Variants in RHOT1 observed in about 807,000 individuals in gnomAD.
The protein encoded by RHOT1 is mitochondrial Rho GTPase 1.
Under a neutral mutation model 95.3 loss-of-function variants are expected in RHOT1, and 27 were observed. The observed-to-expected ratio is 0.28, with a 90% confidence interval of 0.21 to 0.39. RHOT1 has a LOEUF of 0.39. Ranked by LOEUF, RHOT1 falls within the 10% of genes least tolerant of loss-of-function variation. The pLI, the probability that RHOT1 is intolerant of heterozygous loss-of-function variation, is 1.00. For missense variants in RHOT1, 578 were observed against 786.7 expected, an observed-to-expected ratio of 0.73 and a Z score of 3.17; for synonymous variants, 227 against 263.5, an observed-to-expected ratio of 0.86 and a Z score of 1.34.
chr17:32,172,591 G>A (rs1459516861), intron 2 of RHOT1, among the ~76,000 whole-genome samples: 1 of 152,248 alleles, frequency 6.6e-6, no homozygotes, highest in Non-Finnish European at 1.5e-5. Context: ...CCAGCACTTT[G>A]GGAGGCTGAG....
At chr17:32,197,639 A>G (rs1241588452) in intron 11 of RHOT1, among the ~76,000 whole-genome samples, 1 of 152,052 alleles carries the variant, frequency 6.6e-6, no homozygotes, top group Non-Finnish European at 1.5e-5. Flanking sequence ...CGTGTTGTCC[A>G]GGATGGTCTC....
At position 32,194,100 on chromosome 17, in the gene RHOT1, T is replaced by C. The variant is rs1358696360; in HGVS notation, c.862T>C (p.Phe288Leu). 1 of 1,613,960 alleles carries C rather than the reference T, an allele frequency of 6.2e-7. No individual in the cohort carries two copies. Among genetic ancestry groups the C allele is most frequent in the Non-Finnish European group, 8.5e-7 (1 of 1,179,980 alleles). ...DDLDLTPEYL[F>L]PLLKIPPDCT... ...CCTGGATTTGACACCTGAATATTTG[T>C]TCCCCCTGTATGTACCTTTGTTTTT... Residue 288 changes from phenylalanine to leucine, a missense_variant, in exon 11 of 20, where the codon TTC becomes CTC. Transcript: ENST00000545287.
rs1467487964 is a variant in RHOT1, at chr17:32,223,858, C to CT, written c.1863-756dup. On this transcript the variant is annotated intron_variant, in intron 19 of 19. Coordinates refer to ENST00000545287, the MANE Select transcript of RHOT1 (RefSeq NM_001033566.3). Reference sequence around the variant, plus strand: ...GTCATACTTGAGACTCTTGAGGGTACTTACTGAGCATGCTCACAACTCAGT... The same window carrying CT: ...GTCATACTTGAGACTCTTGAGGGTACTTTACTGAGCATGCTCACAACTCAGT... Among the ~76,000 whole-genome samples, 3 of 152,184 alleles carry CT rather than the reference C, an allele frequency of 2.0e-5. No individual in the cohort carries two copies. In the East Asian group the frequency reaches 5.8e-4, roughly 29 times the overall value.
intron 8 of RHOT1, among the ~76,000 whole-genome samples, chr17:32,187,787 T>G (rs184710340): frequency 3.9e-5 from 6 of 152,296 alleles, no homozygotes; most frequent in African/African-American, 1.4e-4. Context: ...CAGGCTGGTC[T>G]CGAACTCCTG....
chr17:32,188,755 G>A (rs980447095), intron 8 of RHOT1, among the ~76,000 whole-genome samples: 8 of 152,290 alleles, frequency 5.3e-5, no homozygotes, highest in African/African-American at 1.9e-4. Context: ...TACTATGTAA[G>A]TACCTACATG....
chr17:32,202,926 T>G (rs1367367726), intron 15 of RHOT1, 26 bp downstream of exon 15: 1 of 1,599,658 alleles, frequency 6.3e-7, no homozygotes, highest in Admixed American at 1.8e-5. Flanking sequence ...AAATACAATT[T>G]TATCCAACAA....
intron 1 of RHOT1, among the ~76,000 whole-genome samples, chr17:32,149,635 A>ATATATATATATATATATG (rs1445281403): frequency 8.5e-5 from 5 of 59,088 alleles, no homozygotes; most frequent in South Asian, 8.7e-4. Flanking sequence ...ATATATATAT[A>ATATATATATATATATATG]TGTGTGTGTG....
intron 19 of RHOT1, among the ~76,000 whole-genome samples, chr17:32,215,462 G>A (rs2038410537): frequency 6.6e-6 from 1 of 152,022 alleles, no homozygotes; most frequent in African/African-American, 2.4e-5. Context: ...GTGAACTGGG[G>A]CAAAATTTGA....
chr17:32,163,709 G>T (rs557710809), intron 1 of RHOT1, among the ~76,000 whole-genome samples: 1 of 150,980 alleles, frequency 6.6e-6, no homozygotes, highest in Admixed American at 6.6e-5. Flanking sequence ...CAGCTTGGGT[G>T]ACAGAGCAAG....
At chr17:32,193,110 A>C in intron 9 of RHOT1, 26 bp from the exon 10 acceptor site, 1 of 1,426,838 alleles carries the variant, frequency 7.0e-7, no homozygotes, top group Non-Finnish European at 9.8e-7. Context: ...GTTTGTTTTT[A>C]AATATATTTT....
intron 8 of RHOT1, among the ~76,000 whole-genome samples, chr17:32,184,585 G>A (rs1274254231): frequency 1.3e-5 from 2 of 151,706 alleles, no homozygotes. Flanking sequence ...CAAGCTCCTG[G>A]GCTCAAGTGA....
chr17:32,176,386 G>C (rs1052089797), intron 6 of RHOT1, among the ~76,000 whole-genome samples, 173 bp downstream of exon 6: 6 of 151,876 alleles, frequency 4.0e-5, no homozygotes, highest in Non-Finnish European at 8.8e-5. Flanking sequence ...ACACACCCAC[G>C]TGCCTTTTTT....
chr17:32,183,938 G>A (rs1437098453), intron 8 of RHOT1, among the ~76,000 whole-genome samples: 1 of 152,146 alleles, frequency 6.6e-6, no homozygotes, highest in African/African-American at 2.4e-5. Flanking sequence ...CGCCTGCCTG[G>A]GCCTCCCAAA....
chr17:32,145,101 A>T (rs1347251991), intron 1 of RHOT1, among the ~76,000 whole-genome samples: 1 of 152,180 alleles, frequency 6.6e-6, no homozygotes, highest in Non-Finnish European at 1.5e-5. Context: ...GTTTGAGACC[A>T]GGAAACTGAC....
At chr17:32,162,938 A>G (rs569299521) in intron 1 of RHOT1, among the ~76,000 whole-genome samples, 85 of 152,282 alleles carry the variant, frequency 5.6e-4, no homozygotes, top group African/African-American at 1.6e-3. Context: ...TGATGTTTAG[A>G]TGAGGGAAAC....
intron 1 of RHOT1, among the ~76,000 whole-genome samples, chr17:32,148,580 A>G (rs929898435): frequency 6.6e-6 from 1 of 152,176 alleles, no homozygotes; most frequent in Non-Finnish European, 1.5e-5. Flanking sequence ...GGGCAATGAA[A>G]TTGTCCTTTG....
At chr17:32,195,527 G>A (rs2036814361) in intron 11 of RHOT1, among the ~76,000 whole-genome samples, 1 of 152,084 alleles carries the variant, frequency 6.6e-6, no homozygotes. Context: ...TATACCCCAG[G>A]GAAGCGAGCT....
chr17:32,211,148 A>G lies in RHOT1; in HGVS notation c.1772A>G (p.Asn591Ser), dbSNP rs1351703833. Residue 591 changes from asparagine to serine, a missense_variant, in exon 19 of 20, where the codon AAC becomes AGC. Physicochemically the swap from Asn to Ser is conservative, Grantham distance 46 (BLOSUM62 1). Coordinates refer to ENST00000545287, the MANE Select transcript of RHOT1 (RefSeq NM_001033566.3). ...CGGTTACGCTGTATGTGCACCTGCAACAGGTGTACATTTTGCATCTGTCAG... is the reference window on the plus strand; with the variant it reads ...CGGTTACGCTGTATGTGCACCTGCAGCAGGTGTACATTTTGCATCTGTCAG... The part of the protein sequence containing the change: ...HARLRCMCTC[N>S]RCTFCICQNF... The G allele has an allele frequency of 1.2e-6, 2 of 1,610,954 alleles. No individual in the cohort carries two copies. The highest frequency in any genetic ancestry group is 1.7e-5 in the Admixed American group (1 of 59,976).
intron 1 of RHOT1, among the ~76,000 whole-genome samples, chr17:32,166,200 A>C (rs2034068318): frequency 6.6e-6 from 1 of 152,036 alleles, no homozygotes; most frequent in African/African-American, 2.4e-5. Flanking sequence ...AAAAAAAAAA[A>C]AAAAGTTATG....
Sources: allele counts gnomAD v4.1 joint callset (sites outside exome capture counted in the v4.1 genomes callset), GRCh38; gene constraint gnomAD v4.1.1; transcripts MANE v1.5; gene names NCBI Gene and HGNC (gene_info 2026-07-23, HGNC 2026-07-21).